Variants in INSR observed in about 807,000 individuals in gnomAD.
INSR encodes insulin receptor.
In INSR, 67 loss-of-function variants were observed where a neutral mutation model predicts 142.6. That is an observed-to-expected ratio of 0.47 (90% confidence interval 0.39 to 0.58). INSR has a LOEUF of 0.58. Among genes scored for constraint, INSR ranks in the 20% least tolerant of loss-of-function variants. The pLI is 0.00. For synonymous variants in INSR, 756 were observed against 743.1 expected, an observed-to-expected ratio of 1.02 and a Z score of -0.28; for missense variants, 1,248 against 1,833.2, an observed-to-expected ratio of 0.68 and a Z score of 5.83.
chr19:7,115,625 T>A lies in INSR; in HGVS notation c.*1431A>T, dbSNP rs1972305199. The A allele has an allele frequency of 7.0e-6, 1 of 142,676 alleles. No homozygotes were observed. The highest frequency in any genetic ancestry group is 1.5e-5 in the Non-Finnish European group (1 of 65,776). The allele number at this position is 142,676 out of a possible 1,614,324, so 8.8% of individuals were successfully genotyped here. ...TGCTTTGGGATCTGACGTTCTTGGG[T>A]TTGCACAATAACGGTTAGGATGTTC... On this transcript the variant is annotated 3_prime_UTR_variant, in exon 22 of 22. Coordinates refer to ENST00000302850, the MANE Select transcript of INSR (RefSeq NM_000208.4).
Position 7,141,733 on chromosome 19 carries a change from C to T in INSR, c.2626G>A (p.Glu876Lys). ...TACAGCACGATCAGACCATTGGGCTCCTTCGGCTCCTGCCACATCAAGTGG... is the reference window on the plus strand; with the variant it reads ...TACAGCACGATCAGACCATTGGGCTTCTTCGGCTCCTGCCACATCAAGTGG... ...VVHLMWQEPKEPNGLIVLYEV... is the reference protein window; with the variant it reads ...VVHLMWQEPKKPNGLIVLYEV... Residue 876 changes from glutamate to lysine, a missense_variant, in exon 13 of 22, where the codon GAG becomes AAG. Around this residue, in one of 3 missense-constraint regions of INSR, gnomAD observed 1,069 missense variants for 1,654.0 expected, o/e 0.65. Coordinates refer to ENST00000302850, the MANE Select transcript of INSR (RefSeq NM_000208.4). 6.2e-7 allele frequency: 1 copy of T among 1,614,182 alleles called. No individual in the cohort carries two copies. The highest frequency in any genetic ancestry group is 1.3e-5 in the African/African-American group (1 of 75,062).
At position 7,142,911 on chromosome 19, in the gene INSR, G is replaced by A. The variant is rs1242001529; in HGVS notation, c.2447C>T (p.Thr816Met). The change falls in exon 12 of 22, where the codon ACG becomes ATG. Residue 816 changes from threonine (T) to methionine (M), a missense_variant. Coordinates refer to ENST00000302850, the MANE Select transcript of INSR (RefSeq NM_000208.4). Reference sequence around the variant, plus strand: ...AGCCTGCAGCTCGATGCGATAGCCCGTGAAGTGTCGCAAGCCGGAGATGAC... The same window carrying A: ...AGCCTGCAGCTCGATGCGATAGCCCATGAAGTGTCGCAAGCCGGAGATGAC... ...SLVISGLRHF[T>M]GYRIELQACN... is the part of the protein sequence containing the mutation. 9 of 1,614,000 alleles carry A rather than the reference G, an allele frequency of 5.6e-6. No homozygotes were observed. Among genetic ancestry groups the A allele is most frequent in the African/African-American group, 2.7e-5 (2 of 74,910 alleles).
chr19:7,165,866 G>GA (rs200089915), intron 8 of INSR, among the ~76,000 whole-genome samples: 670 of 103,092 alleles, frequency 6.5e-3, no homozygotes, highest in South Asian at 0.023. Context: ...TCATCTCAAA[G>GA]AAAAAAAAAA....
At position 7,132,153 on chromosome 19, in the gene INSR, C is replaced by T. The variant is rs1171409741; in HGVS notation, c.2842+5G>A. 13 of 1,614,120 alleles carry T rather than the reference C, an allele frequency of 8.1e-6. No homozygotes were observed. The highest frequency in any genetic ancestry group is 1.1e-5 in the Non-Finnish European group (13 of 1,179,962). ...CAGTCAGCTGAGGCTGCCATGGAGA[C>T]TTACAATAGTCTGTCACGTAGAAAT... On this transcript the variant is annotated splice_donor_5th_base_variant and intron_variant, in intron 14 of 21. Transcript: ENST00000302850.
rs1342731085 is a variant in INSR at position 7,202,280 on chromosome 19, C to T, written c.653-17643G>A. Among the ~76,000 whole-genome samples, 4 of 152,206 alleles carry T rather than the reference C, an allele frequency of 2.6e-5. No individual in the cohort carries two copies. In the East Asian group the frequency reaches 5.8e-4, roughly 22 times the overall value. Reference sequence around the variant, plus strand: ...AGTTCTATTTGTTTTCTAATCAGTTCGTCTGTGCTTATTATTTCCAATATT... The same window carrying T: ...AGTTCTATTTGTTTTCTAATCAGTTTGTCTGTGCTTATTATTTCCAATATT... On this transcript the variant is annotated intron_variant, in intron 2 of 21. Coordinates refer to ENST00000302850, the MANE Select transcript of INSR (RefSeq NM_000208.4).
At chr19:7,214,234 T>C (rs1975363342) in intron 2 of INSR, among the ~76,000 whole-genome samples, 1 of 152,196 alleles carries the variant, frequency 6.6e-6, no homozygotes, top group Non-Finnish European at 1.5e-5. Context: ...GGCAATGACC[T>C]CTTTCCTCCC....
intron 1 of INSR, among the ~76,000 whole-genome samples, chr19:7,276,576 G>GC (rs1391766259): frequency 6.6e-6 from 1 of 152,042 alleles, no homozygotes; most frequent in Non-Finnish European, 1.5e-5. Flanking sequence ...TTGGGTTCTG[G>GC]TGTCAGGCCA....
chr19:7,273,951 C>T (rs1199377336), intron 1 of INSR, among the ~76,000 whole-genome samples: 1 of 151,856 alleles, frequency 6.6e-6, no homozygotes, highest in Non-Finnish European at 1.5e-5. Context: ...TGAGATCATC[C>T]CGTCGCACTC....
chr19:7,127,291 G>A (rs1439611809), intron 15 of INSR, among the ~76,000 whole-genome samples: 1 of 152,140 alleles, frequency 6.6e-6, no homozygotes, highest in Admixed American at 6.5e-5. Flanking sequence ...CCCGACTGAT[G>A]AGAAACAATT....
chr19:7,117,706 G>C (rs536356153), intron 21 of INSR, among the ~76,000 whole-genome samples: 2 of 151,248 alleles, frequency 1.3e-5, no homozygotes, highest in Non-Finnish European at 2.9e-5. Flanking sequence ...TCCTAGGCTC[G>C]AGCAATCCTC....
chr19:7,122,781 A>G lies in INSR; in HGVS notation c.3370-8T>C. On this transcript the variant is annotated splice_region_variant and splice_polypyrimidine_tract_variant and intron_variant, in intron 18 of 21. Transcript: ENST00000302850. ...AGGGCGGCCAGGATTATTCTAAAAC[A>G]GAAACACGGGGTTGGTGTTTCAGCA... 6.2e-7 allele frequency: 1 copy of G among 1,614,148 alleles called. No individual in the cohort carries two copies. Among genetic ancestry groups the G allele is most frequent in the Non-Finnish European group, 8.5e-7 (1 of 1,179,966 alleles).
chr19:7,177,169 C>T (rs1373702019), intron 3 of INSR, among the ~76,000 whole-genome samples: 1 of 152,128 alleles, frequency 6.6e-6, no homozygotes, highest in Non-Finnish European at 1.5e-5. Context: ...AGGATGGGCA[C>T]AAGATCCAAG....
chr19:7,165,248 G>T (rs8106329), intron 8 of INSR, among the ~76,000 whole-genome samples: 1 of 151,140 alleles, frequency 6.6e-6, no homozygotes, highest in African/African-American at 2.4e-5. Context: ...TCCAGATGGC[G>T]CCACTGCACT....
chr19:7,169,741 C>T (rs1259493444), intron 6 of INSR, among the ~76,000 whole-genome samples: 1 of 152,182 alleles, frequency 6.6e-6, no homozygotes, highest in Non-Finnish European at 1.5e-5. Context: ...CAGCATCAGC[C>T]TGATACACAT....
intron 19 of INSR, 79 bp downstream of exon 19, chr19:7,122,535 G>T (rs980286803): frequency 1.4e-6 from 2 of 1,445,206 alleles, no homozygotes; most frequent in Non-Finnish European, 9.7e-7. Flanking sequence ...AAGACTTAAC[G>T]GCTCATTATA....
At chr19:7,240,342 GGAGGCT>G (rs1313990282) in intron 2 of INSR, among the ~76,000 whole-genome samples, 1 of 151,642 alleles carries the variant, frequency 6.6e-6, no homozygotes, top group African/African-American at 2.4e-5. Context: ...CAGCACTTTG[GGAGGCT>G]GAGGCAGGTG....
In INSR at chr19:7,170,848, A is replaced by T; in HGVS notation, c.1269-97T>A. Reference sequence around the variant, plus strand: ...CTCGGAGTTGATCTTGTTCAGTGCTACGTGCCTAATCCTCTCCACTTGCTT... The same window carrying T: ...CTCGGAGTTGATCTTGTTCAGTGCTTCGTGCCTAATCCTCTCCACTTGCTT... On this transcript the variant is annotated intron_variant, in intron 5 of 21. Coordinates refer to ENST00000302850, the MANE Select transcript of INSR (RefSeq NM_000208.4). 4.3e-6 allele frequency: 4 copies of T among 929,456 alleles called. No homozygotes were observed. In the East Asian group the frequency reaches 9.6e-5, roughly 22 times the overall value. The allele number at this position is 929,456 out of a possible 1,614,324, so 57.6% of individuals were successfully genotyped here.
chr19:7,217,255 C>T (rs1367823495), intron 2 of INSR, among the ~76,000 whole-genome samples: 1 of 152,144 alleles, frequency 6.6e-6, no homozygotes, highest in Non-Finnish European at 1.5e-5. Context: ...AAGGCAGCTC[C>T]TTTTTCTTGG....
At chr19:7,220,784 T>C (rs1409029509) in intron 2 of INSR, among the ~76,000 whole-genome samples, 3 of 152,202 alleles carry the variant, frequency 2.0e-5, no homozygotes, top group African/African-American at 7.2e-5. Flanking sequence ...TATTCCTATA[T>C]TTTAAATTTT....
Sources: gnomAD v4.1 joint callset for allele counts (sites outside exome capture counted in the v4.1 genomes callset) on GRCh38, gnomAD v4.1.1 for gene constraint, gnomAD v4.1.1 regional missense constraint, MANE v1.5 for transcripts, NCBI Gene and HGNC (gene_info 2026-07-23, HGNC 2026-07-21) for gene names.